Variants in CEP112 observed in about 807,000 individuals in gnomAD.
The protein encoded by CEP112 is centrosomal protein of 112 kDa.
A neutral mutation model predicts 153.0 loss-of-function variants in CEP112; 127 were observed. That is an observed-to-expected ratio of 0.83 (90% CI 0.72 to 0.96). The LOEUF (loss-of-function observed/expected upper bound fraction) is 0.96, where lower values mean the gene tolerates loss of function less well. CEP112 is among the 40% of genes least tolerant of loss of function. CEP112 has a pLI of 0.00. For missense variants in CEP112, 1,089 were observed against 1,101.2 expected, an observed-to-expected ratio of 0.99 and a Z score of 0.16; for synonymous variants, 358 against 374.4, an observed-to-expected ratio of 0.96 and a Z score of 0.51.
Position 65,864,834 on chromosome 17 carries a change from C to T in CEP112, c.2164-12800G>A, listed in dbSNP as rs9897254. Among the ~76,000 whole-genome samples, 405 of 152,100 alleles carry T rather than the reference C, an allele frequency of 2.7e-3. 1 individual carries two copies. Among genetic ancestry groups the T allele is most frequent in the African/African-American group, 9.4e-3 (390 of 41,472 alleles). Reference sequence around the variant, plus strand: ...GAACATCTAATTTCTCTACTGGTCACATCATGTAGAAAAGGTCAGAGTGCT... The same window carrying T: ...GAACATCTAATTTCTCTACTGGTCATATCATGTAGAAAAGGTCAGAGTGCT... On this transcript the variant is annotated intron_variant, in intron 20 of 26. Coordinates refer to ENST00000535342, the MANE Select transcript of CEP112 (RefSeq NM_001199165.4).
intron 2 of CEP112, among the ~76,000 whole-genome samples, chr17:66,180,617 T>G (rs928913543): frequency 4.6e-5 from 7 of 152,182 alleles, no homozygotes; most frequent in African/African-American, 1.4e-4. Flanking sequence ...TGTCATTTTG[T>G]GAAATAATTA....
At chr17:65,856,302 A>G (rs1470202384) in intron 20 of CEP112, among the ~76,000 whole-genome samples, 1 of 152,196 alleles carries the variant, frequency 6.6e-6, no homozygotes, top group Non-Finnish European at 1.5e-5. Flanking sequence ...GAAAATGTAA[A>G]AGAAAAGCTA....
chr17:65,843,222 C>G (rs926467777), intron 21 of CEP112, among the ~76,000 whole-genome samples: 3 of 152,058 alleles, frequency 2.0e-5, no homozygotes, highest in African/African-American at 7.2e-5. Context: ...TATGTTTTTA[C>G]CTGGTAAATT....
intron 21 of CEP112, among the ~76,000 whole-genome samples, chr17:65,800,473 T>G (rs969712821): frequency 6.6e-6 from 1 of 152,200 alleles, no homozygotes; most frequent in Non-Finnish European, 1.5e-5. Context: ...AATCTTTCAT[T>G]TTATGGATAT....
intron 11 of CEP112, among the ~76,000 whole-genome samples, chr17:66,060,329 T>C (rs1212161135): frequency 6.6e-6 from 1 of 152,074 alleles, no homozygotes; most frequent in Non-Finnish European, 1.5e-5. Context: ...ATCCATAATA[T>C]TCAAAGCAAT....
At chr17:66,180,973 T>C (rs2072695415) in intron 2 of CEP112, among the ~76,000 whole-genome samples, 1 of 152,186 alleles carries the variant, frequency 6.6e-6, no homozygotes, top group South Asian at 2.1e-4. Flanking sequence ...ATAAACTTCA[T>C]GAAATATTGG....
chr17:66,022,533 C>A (rs936038377), intron 16 of CEP112, among the ~76,000 whole-genome samples: 1 of 151,580 alleles, frequency 6.6e-6, no homozygotes, highest in Non-Finnish European at 1.5e-5. Flanking sequence ...ATGGTGAAAC[C>A]CGTCTCTACT....
intron 6 of CEP112, among the ~76,000 whole-genome samples, chr17:66,104,818 A>C (rs1310752280): frequency 3.9e-5 from 6 of 152,152 alleles, no homozygotes; most frequent in African/African-American, 7.2e-5. Flanking sequence ...GGAATAGTAT[A>C]CCCAGCAAAA....
intron 12 of CEP112, 139 bp downstream of exon 12, chr17:66,053,597 T>C: frequency 1.4e-6 from 1 of 733,870 alleles, no homozygotes; most frequent in Non-Finnish European, 2.1e-6. Context: ...CACATAAATC[T>C]GTATGGAGTA....
At chr17:65,914,457 G>C (rs2060401312) in intron 19 of CEP112, among the ~76,000 whole-genome samples, 1 of 151,440 alleles carries the variant, frequency 6.6e-6, no homozygotes, top group Non-Finnish European at 1.5e-5. Context: ...TCATCATTTT[G>C]AATGAAACAA....
At chr17:66,005,958 C>A (rs1250237808) in intron 16 of CEP112, among the ~76,000 whole-genome samples, 189 bp from the exon 17 acceptor site, 1 of 151,972 alleles carries the variant, frequency 6.6e-6, no homozygotes, top group Non-Finnish European at 1.5e-5. Flanking sequence ...ATTTTCTGTT[C>A]AAAATGAATT....
chr17:65,823,249 G>C (rs2146034190), intron 21 of CEP112, among the ~76,000 whole-genome samples: 1 of 152,180 alleles, frequency 6.6e-6, no homozygotes, highest in South Asian at 2.1e-4. Flanking sequence ...AAAGATCAGT[G>C]TTGGACAACT....
At chr17:66,162,449 C>A (rs1161561735) in intron 4 of CEP112, among the ~76,000 whole-genome samples, 2 of 152,078 alleles carry the variant, frequency 1.3e-5, no homozygotes, top group African/African-American at 4.8e-5. Flanking sequence ...TAAGTCAACA[C>A]TCAAAAAAAT....
intron 17 of CEP112, among the ~76,000 whole-genome samples, chr17:65,988,619 C>T (rs1012077970): frequency 3.9e-5 from 6 of 152,046 alleles, no homozygotes; most frequent in African/African-American, 1.4e-4. Flanking sequence ...TTGAAAAATA[C>T]ATTTGCTGAA....
At chr17:66,016,725 T>C (rs2064790785) in intron 16 of CEP112, among the ~76,000 whole-genome samples, 1 of 152,226 alleles carries the variant, frequency 6.6e-6, no homozygotes, top group African/African-American at 2.4e-5. Flanking sequence ...GTACCAGTAG[T>C]TTCCCCTCTA....
intron 19 of CEP112, among the ~76,000 whole-genome samples, chr17:65,920,359 C>CAAACAAAAAAAAAAAAAA (rs1178505560): frequency 1.7e-4 from 5 of 29,838 alleles, no homozygotes; most frequent in African/African-American, 6.5e-4. Flanking sequence ...AACAAACAAA[C>CAAACAAAAAAAAAAAAAA]AAAATATATA....
At chr17:66,090,437 T>C (rs965677192) in intron 8 of CEP112, among the ~76,000 whole-genome samples, 3 of 152,186 alleles carry the variant, frequency 2.0e-5, no homozygotes, top group African/African-American at 4.8e-5. Context: ...TAAAATGTAG[T>C]TTTTATATGT....
At chr17:66,063,931 C>T (rs1028374232) in intron 10 of CEP112, among the ~76,000 whole-genome samples, 1 of 152,120 alleles carries the variant, frequency 6.6e-6, no homozygotes, top group Non-Finnish European at 1.5e-5. Flanking sequence ...ATGCCCTTCC[C>T]TCCCTTATTG....
In CEP112 at chr17:65,956,405, T is replaced by TACACACACACACACACACAC. The variant is rs535606142; in HGVS notation, c.1872+5057_1872+5058insGTGTGTGTGTGTGTGTGTGT. 2.8e-4 allele frequency among the ~76,000 whole-genome samples: 40 copies of TACACACACACACACACACAC among 145,032 alleles called. 1 individual carries two copies. The highest frequency in any genetic ancestry group is 4.6e-4 in the South Asian group (2 of 4,354). Reference sequence around the variant, plus strand: ...AGAAATTATGATATATATACATACATACATACACACACACACACACACACA... The same window carrying TACACACACACACACACACAC: ...AGAAATTATGATATATATACATACATACACACACACACACACACACACATACACACACACACACACACACA... On this transcript the variant is annotated intron_variant, in intron 18 of 26. Coordinates refer to ENST00000535342, the MANE Select transcript of CEP112 (RefSeq NM_001199165.4).
Sources: gnomAD v4.1 joint callset for allele counts (sites outside exome capture counted in the v4.1 genomes callset) on GRCh38, gnomAD v4.1.1 for gene constraint, MANE v1.5 for transcripts, NCBI Gene and HGNC (gene_info 2026-07-23, HGNC 2026-07-21) for gene names.